Variants in NR1H3 observed in about 807,000 individuals in gnomAD.
NR1H3 encodes the protein nuclear receptor subfamily 1 group H member 3.
Under a neutral mutation model 48.1 loss-of-function variants are expected in NR1H3, and 19 were observed. That is an observed-to-expected ratio of 0.40 (90% CI 0.28 to 0.58). NR1H3 has a LOEUF of 0.58. NR1H3 is among the 20% of genes least tolerant of loss of function. The pLI, the probability that NR1H3 is intolerant of heterozygous loss-of-function variation, is 0.50. For synonymous variants in NR1H3, 232 were observed against 227.3 expected (o/e 1.02, Z -0.19); for missense variants, 486 against 595.9 (o/e 0.82, Z 1.92).
upstream of NR1H3, chr11:47,257,674 C>T (rs756128811): frequency 2.4e-4 from 235 of 985,566 alleles, no homozygotes; most frequent in Non-Finnish European, 2.8e-4. Flanking sequence ...CTGGAGGCTG[C>T]TGGGATTGGG....
chr11:47,257,642 A>G (rs1955313214), upstream of NR1H3: 7 of 985,012 alleles, frequency 7.1e-6, no homozygotes, highest in Non-Finnish European at 8.4e-6. Context: ...CGAGGTGCCT[A>G]TGGAGGGGAG....
At chr11:47,255,963 C>T (rs900118958), upstream of NR1H3, among the ~76,000 whole-genome samples, 1 of 151,234 alleles carries the variant, frequency 6.6e-6, no homozygotes, top group South Asian at 2.1e-4. Flanking sequence ...GCCACCGCAC[C>T]CTGCATGATC....
chr11:47,261,660 G>C lies in NR1H3; in HGVS notation c.822G>C (p.Gln274His). The C allele has an allele frequency of 1.2e-6, 2 of 1,614,220 alleles. No homozygotes were observed. The highest frequency in any genetic ancestry group is 1.7e-6 in the Non-Finnish European group (2 of 1,180,042). Residue 274 changes from glutamine (Q) to histidine (H), a missense_variant, in exon 6 of 10, where the codon CAG becomes CAC. Transcript: ENST00000441012. ...SVQEIVDFAK[Q>H]LPGFLQLSRE... ...AGGAGATAGTTGACTTTGCTAAACA[G>C]CTACCCGGCTTCCTGCAGCTCAGCC...
rs2135623717 is a variant in NR1H3 at position 47,259,897 on chromosome 11, T to C, written c.150T>C (p.Ala50=). ...LREEARMPHS[A]GGTAGVGLEA... Reference sequence around the variant, plus strand: ...AGGAAGCCAGGATGCCCCACTCTGCTGGGGGTACTGCAGGGGTGGGGCTGG... The same window carrying C: ...AGGAAGCCAGGATGCCCCACTCTGCCGGGGGTACTGCAGGGGTGGGGCTGG... The change falls in exon 3 of 10, where the codon GCT becomes GCC. Residue 50 remains alanine, a synonymous_variant. Transcript: ENST00000441012. 1 of 1,612,502 alleles carries C rather than the reference T, an allele frequency of 6.2e-7. No individual in the cohort carries two copies. The highest frequency in any genetic ancestry group is 8.5e-7 in the Non-Finnish European group (1 of 1,179,516).
rs1222509719 is a variant in NR1H3 at position 47,268,553 on chromosome 11, C to T, written c.1201C>T (p.Arg401Ter). The change falls in exon 10 of 10, where the codon CGA (arginine) becomes TGA (stop). Residue 401 changes from arginine to a stop codon, truncating the protein, a stop_gained. Coordinates refer to ENST00000441012, the MANE Select transcript of NR1H3 (RefSeq NM_005693.4). LOFTEE classifies it high-confidence loss of function. ...AYVSIHHPHD[R>*]LMFPRMLMKL... is the part of the protein sequence containing the mutation. ...TTTGTCTCTCTCCTTTCCCCAGGAC[C>T]GACTGATGTTCCCACGGATGCTAAT... 17 of 1,614,186 alleles carry T rather than the reference C, an allele frequency of 1.1e-5. No individual in the cohort carries two copies. The highest frequency in any genetic ancestry group is 1.4e-5 in the Non-Finnish European group (16 of 1,180,028).
upstream of NR1H3, among the ~76,000 whole-genome samples, chr11:47,255,945 A>C (rs1385811406): frequency 1.3e-5 from 2 of 151,672 alleles, no homozygotes; most frequent in African/African-American, 2.4e-5. Flanking sequence ...CTGGGATTAC[A>C]GGCATGAGCC....
upstream of NR1H3, among the ~76,000 whole-genome samples, chr11:47,254,753 G>A (rs550449651): frequency 3.0e-4 from 46 of 152,264 alleles, no homozygotes; most frequent in South Asian, 1.5e-3. Context: ...GCCCCGGCCT[G>A]TTCCCCCTCT....
chr11:47,257,700 A>C, upstream of NR1H3: 1 of 985,328 alleles, frequency 1.0e-6, no homozygotes, highest in Non-Finnish European at 1.2e-6. Context: ...GGTTCCTGGG[A>C]GGCAGTCCTT....
In NR1H3 at chr11:47,258,099, C is replaced by T; in HGVS notation, c.-68C>T. ...CAGCAAGGGGGCTCCAGAGACTGCC[C>T]ACCCAGGAAGTCTGGTGGCCTGGGG... On this transcript the variant is annotated 5_prime_UTR_variant, in exon 1 of 10. Coordinates refer to ENST00000441012, the MANE Select transcript of NR1H3 (RefSeq NM_005693.4). 15 of 985,480 alleles carry T rather than the reference C, an allele frequency of 1.5e-5. No homozygotes were observed. Among genetic ancestry groups the T allele is most frequent in the Non-Finnish European group, 1.8e-5 (15 of 830,080 alleles). The allele number at this position is 985,480 out of a possible 1,614,324, so 61.0% of individuals were successfully genotyped here.
At chr11:47,262,645 G>A (rs913004323) in intron 7 of NR1H3, among the ~76,000 whole-genome samples, 1 of 151,960 alleles carries the variant, frequency 6.6e-6, no homozygotes, top group Non-Finnish European at 1.5e-5. Context: ...TTCTCAAGTA[G>A]CTGGGATTAG....
intron 7 of NR1H3, 59 bp from the exon 8 acceptor site, chr11:47,267,854 A>C: frequency 8.4e-7 from 1 of 1,187,052 alleles, no homozygotes; most frequent in Non-Finnish European, 1.3e-6. Flanking sequence ...TAAGGTGAGG[A>C]GAGAAGAAAG....
upstream of NR1H3, among the ~76,000 whole-genome samples, chr11:47,255,000 C>G (rs1486173873): frequency 3.3e-5 from 5 of 152,180 alleles, no homozygotes; most frequent in African/African-American, 1.2e-4. Flanking sequence ...CATAGCAAAA[C>G]AGGAAGAGCC....
chr11:47,253,744 G>A (rs957469819), upstream of NR1H3, among the ~76,000 whole-genome samples: 1 of 152,162 alleles, frequency 6.6e-6, no homozygotes, highest in Non-Finnish European at 1.5e-5. Context: ...AGGTTCTGGG[G>A]GGCCAGATAT....
At chr11:47,260,812 C>T (rs964432262) in intron 4 of NR1H3, 137 bp downstream of exon 4, 31 of 1,198,760 alleles carry the variant, frequency 2.6e-5, no homozygotes, top group Non-Finnish European at 3.2e-5. Flanking sequence ...TGACCGGGCG[C>T]GGTGGCTCAT....
Position 47,268,888 on chromosome 11 carries a change from CTG to C in NR1H3, c.*195_*196del. 1 of 653,696 alleles carries C rather than the reference CTG, an allele frequency of 1.5e-6. No individual in the cohort carries two copies. The highest frequency in any genetic ancestry group is 2.6e-6 in the Non-Finnish European group (1 of 390,080). 40.5% of individuals were successfully genotyped at this position (653,696 alleles called of 1,614,324 possible). A position where few individuals can be genotyped will look rare whatever the true frequency, so the allele number is the denominator to read the frequency against. ...CTGAGCAGTGGAGCCCTCGCTAACA[CTG>C]TGCTGTGTCTGAAGATCATGCTGAC... On this transcript the variant is annotated 3_prime_UTR_variant, in exon 10 of 10. Coordinates refer to ENST00000441012, the MANE Select transcript of NR1H3 (RefSeq NM_005693.4).
At chr11:47,253,819 C>T (rs1220939757), upstream of NR1H3, among the ~76,000 whole-genome samples, 1 of 152,158 alleles carries the variant, frequency 6.6e-6, no homozygotes, top group Non-Finnish European at 1.5e-5. Flanking sequence ...CAAGGAAACA[C>T]AGAAGAGGCC....
At chr11:47,253,139 G>A (rs987709757), upstream of NR1H3, among the ~76,000 whole-genome samples, 5 of 151,406 alleles carry the variant, frequency 3.3e-5, no homozygotes, top group African/African-American at 9.7e-5. Context: ...TTGTGCGTGT[G>A]TGTGTTTTCT....
upstream of NR1H3, chr11:47,257,629 C>T: frequency 2.0e-6 from 2 of 985,062 alleles, no homozygotes; most frequent in Non-Finnish European, 2.4e-6. Flanking sequence ...GACCTTTGCT[C>T]CACGAGGTGC....
At chr11:47,264,578 C>G (rs935864075) in intron 7 of NR1H3, among the ~76,000 whole-genome samples, 2 of 152,216 alleles carry the variant, frequency 1.3e-5, no homozygotes, top group African/African-American at 2.4e-5. Context: ...CCTTCTTAAC[C>G]GTGGCTCTCC....
Sources: allele counts gnomAD v4.1 joint callset (sites outside exome capture counted in the v4.1 genomes callset), GRCh38; gene constraint gnomAD v4.1.1; transcripts MANE v1.5; gene names NCBI Gene and HGNC (gene_info 2026-07-23, HGNC 2026-07-21).